Variants in TRPM3 observed in about 807,000 individuals in gnomAD.
TRPM3 encodes long transient receptor potential channel 3.
TRPM3 carries 77 observed loss-of-function variants against 181.2 expected under a neutral mutation model. The ratio of observed to expected loss-of-function variants is 0.42; its 90% confidence interval spans 0.35 to 0.51. The LOEUF (loss-of-function observed/expected upper bound fraction) is 0.51. TRPM3 is among the 20% of genes least tolerant of loss of function. The pLI, the probability that TRPM3 is intolerant of heterozygous loss-of-function variation, is 0.01. For missense variants in TRPM3, 1,759 were observed against 2,196.7 expected (o/e 0.80, Z 3.98); for synonymous variants, 745 against 796.4 (o/e 0.94, Z 1.09).
chr9:70,608,040 G>A (rs994618590), intron 19 of TRPM3, among the ~76,000 whole-genome samples: 2 of 152,194 alleles, frequency 1.3e-5, no homozygotes, highest in African/African-American at 4.8e-5. Flanking sequence ...ACCGAGTTTC[G>A]GTCAATCAAA....
chr9:71,267,901 T>C (rs1267661448), intron 1 of TRPM3, among the ~76,000 whole-genome samples: 1 of 151,448 alleles, frequency 6.6e-6, no homozygotes, highest in East Asian at 2.0e-4. Flanking sequence ...GTTCCTAGGG[T>C]GTACAAAAAA....
intron 1 of TRPM3, among the ~76,000 whole-genome samples, chr9:71,188,080 C>T (rs2077792264): frequency 1.3e-5 from 2 of 151,878 alleles, no homozygotes; most frequent in Admixed American, 1.3e-4. Flanking sequence ...TAATAAACAT[C>T]CTTGCACACC....
intron 4 of TRPM3, among the ~76,000 whole-genome samples, chr9:70,843,367 T>G (rs541975580): frequency 6.6e-6 from 1 of 152,012 alleles, no homozygotes; most frequent in Non-Finnish European, 1.5e-5. Context: ...CCAATTCATA[T>G]GAAAAAACAA....
At chr9:70,645,999 G>C (rs1373550444) in intron 9 of TRPM3, among the ~76,000 whole-genome samples, 1 of 152,232 alleles carries the variant, frequency 6.6e-6, no homozygotes, top group Non-Finnish European at 1.5e-5. Context: ...CTGGTCATTA[G>C]AGAAAGGCAA....
chr9:70,598,923 A>G (rs890818720), intron 20 of TRPM3, among the ~76,000 whole-genome samples: 2 of 152,210 alleles, frequency 1.3e-5, no homozygotes, highest in African/African-American at 4.8e-5. Context: ...CACACATAAG[A>G]GTTTTGCTAT....
intron 5 of TRPM3, 112 bp downstream of exon 5, chr9:70,842,891 G>A: frequency 9.4e-7 from 1 of 1,060,662 alleles, no homozygotes; most frequent in South Asian, 1.9e-5. Flanking sequence ...ATTTTAGTGA[G>A]TAGAGACCCA....
intron 1 of TRPM3, among the ~76,000 whole-genome samples, chr9:71,254,583 T>C (rs1296932059): frequency 6.6e-6 from 1 of 152,226 alleles, no homozygotes; most frequent in African/African-American, 2.4e-5. Flanking sequence ...AAACATGATG[T>C]ACATGATAAA....
intron 1 of TRPM3, among the ~76,000 whole-genome samples, chr9:71,153,408 A>G (rs1197057638): frequency 6.6e-6 from 1 of 150,830 alleles, no homozygotes; most frequent in Non-Finnish European, 1.5e-5. Context: ...CTTCTGCCTC[A>G]GCCTCCTGAG....
At chr9:70,900,761 A>G (rs1359127432) in intron 1 of TRPM3, among the ~76,000 whole-genome samples, 1 of 152,188 alleles carries the variant, frequency 6.6e-6, no homozygotes, top group Non-Finnish European at 1.5e-5. Flanking sequence ...ATGGTCCAGC[A>G]TAACCTTTGG....
intron 1 of TRPM3, among the ~76,000 whole-genome samples, chr9:70,873,020 C>G (rs1371965674): frequency 6.6e-6 from 1 of 151,804 alleles, no homozygotes; most frequent in Non-Finnish European, 1.5e-5. Context: ...TTAACAAATA[C>G]TAGTGCTTGA....
chr9:70,903,355 G>A (rs962464102), intron 1 of TRPM3, among the ~76,000 whole-genome samples: 3 of 152,160 alleles, frequency 2.0e-5, no homozygotes, highest in Admixed American at 6.5e-5. Flanking sequence ...GACACATTTG[G>A]TTGTGGGGAT....
intron 8 of TRPM3, among the ~76,000 whole-genome samples, chr9:70,684,130 G>A (rs909322043): frequency 3.9e-5 from 6 of 152,118 alleles, no homozygotes; most frequent in African/African-American, 7.2e-5. Flanking sequence ...AAATTCTTCC[G>A]AGGCAGCAAA....
intron 1 of TRPM3, among the ~76,000 whole-genome samples, chr9:71,241,200 C>T (rs1343252309): frequency 1.3e-5 from 2 of 152,096 alleles, no homozygotes; most frequent in Non-Finnish European, 2.9e-5. Context: ...GGTAATCGCA[C>T]ACTCACCAGT....
Position 70,850,257 on chromosome 9 carries a change from T to G in TRPM3, c.463-3666A>C, listed in dbSNP as rs149222057. ...CTTTCAGATATCTATCAACAGAAAT[T>G]TTCACCAATGTGTACTTTTGTGCCA... is the stretch of plus-strand genomic sequence containing the variant. On this transcript the variant is annotated intron_variant, in intron 3 of 25. Coordinates refer to ENST00000677713, the MANE Select transcript of TRPM3 (RefSeq NM_001366145.2). 5.1e-3 allele frequency among the ~76,000 whole-genome samples: 772 copies of G among 152,138 alleles called. 6 individuals carry two copies. Among genetic ancestry groups the G allele is most frequent in the African/African-American group, 0.017 (714 of 41,500 alleles).
At position 70,610,806 on chromosome 9, in the gene TRPM3, A is replaced by G. The variant is rs1438006156; in HGVS notation, c.2527-57T>C. On this transcript the variant is annotated intron_variant, in intron 18 of 25. Transcript: ENST00000677713. ...CAGGGCTCTGGAGAGCATGTTGTTC[A>G]ATGTGCTTACTTTACAGATGAGGAA... is the stretch of plus-strand genomic sequence containing the variant. 4 of 1,594,162 alleles carry G rather than the reference A, an allele frequency of 2.5e-6. No individual in the cohort carries two copies. The South Asian group carries it at 4.5e-5, about 18-fold the overall frequency.
At chr9:71,262,639 T>C (rs1363319105) in intron 1 of TRPM3, among the ~76,000 whole-genome samples, 1 of 152,218 alleles carries the variant, frequency 6.6e-6, no homozygotes, top group African/African-American at 2.4e-5. Context: ...GTTTTGTGCT[T>C]GAAACCCAGG....
chr9:71,113,708 G>A (rs1393144595), intron 1 of TRPM3, among the ~76,000 whole-genome samples: 2 of 152,152 alleles, frequency 1.3e-5, no homozygotes, highest in African/African-American at 4.8e-5. Flanking sequence ...GAACTTTAAA[G>A]ATGTGGATAC....
intron 18 of TRPM3, among the ~76,000 whole-genome samples, chr9:70,614,147 C>T (rs1347452552): frequency 6.6e-6 from 1 of 152,016 alleles, no homozygotes; most frequent in African/African-American, 2.4e-5. Flanking sequence ...CATGAACAGG[C>T]TGGGTATCCT....
In TRPM3 at chr9:70,549,445, A is replaced by G. The variant is rs1035645287; in HGVS notation, c.3707+97T>C. 4.9e-6 allele frequency: 7 copies of G among 1,430,576 alleles called. No individual in the cohort carries two copies. In the East Asian group the frequency reaches 1.7e-4, roughly 34 times the overall value. 88.6% of individuals were successfully genotyped at this position (1,430,576 alleles called of 1,614,324 possible). A position where few individuals can be genotyped will look rare whatever the true frequency, so the allele number is the denominator to read the frequency against. On this transcript the variant is annotated intron_variant, in intron 25 of 25. Coordinates refer to ENST00000677713, the MANE Select transcript of TRPM3 (RefSeq NM_001366145.2). ...TTTCTCAGACAATAAAAACAAACAC[A>G]AAAGATCTCTGTTTTGTGACCGTGT...
Sources: gnomAD v4.1 joint callset for allele counts (sites outside exome capture counted in the v4.1 genomes callset) on GRCh38, gnomAD v4.1.1 for gene constraint, MANE v1.5 for transcripts, NCBI Gene and HGNC (gene_info 2026-07-23, HGNC 2026-07-21) for gene names.